Variants in HRG observed in about 807,000 individuals in gnomAD.
HRG encodes histidine rich glycoprotein.
A neutral mutation model predicts 29.5 loss-of-function variants in HRG; 26 were observed. The observed-to-expected ratio is 0.88, with a 90% CI of 0.65 to 1.22. The LOEUF (loss-of-function observed/expected upper bound fraction) is 1.22. HRG is among the 50% of genes most tolerant of loss of function. The pLI is 0.00. For missense variants in HRG, 671 were observed against 654.5 expected (o/e 1.03, Z -0.28); for synonymous variants, 243 against 240.4 (o/e 1.01, Z -0.10).
At chr3:186,669,623 A>G (rs1718722802) in intron 2 of HRG, 1 of 411,046 alleles carries the variant, frequency 2.4e-6, no homozygotes, top group Non-Finnish European at 4.6e-6. Flanking sequence ...GAGATTCAAG[A>G]TTTCATTTCC....
Position 186,675,077 on chromosome 3 carries a change from A to T in HRG, c.640-12A>T. On this transcript the variant is annotated splice_polypyrimidine_tract_variant and intron_variant, in intron 5 of 6. Transcript: ENST00000232003. ...TGGACACACACACTAACAGCTCCTC[A>T]TTCCTTTGTAGGTCTTTGGATTCTG... is the stretch of plus-strand genomic sequence containing the variant. The T allele has an allele frequency of 1.9e-6, 3 of 1,588,902 alleles. No individual in the cohort carries two copies. Among genetic ancestry groups the T allele is most frequent in the Non-Finnish European group, 2.6e-6 (3 of 1,157,180 alleles).
In HRG at chr3:186,678,140, A is replaced by G; in HGVS notation, c.*257A>G. The G allele has an allele frequency of 4.3e-6, 2 of 460,128 alleles. No individual in the cohort carries two copies. Among genetic ancestry groups the G allele is most frequent in the Non-Finnish European group, 7.9e-6 (2 of 253,372 alleles). The allele number at this position is 460,128 out of a possible 1,614,324, so 28.5% of individuals were successfully genotyped here. ...TTGAGACAAATCTATGCCACTCAGA[A>G]TCTCCTTCTTTCCTGGACTTAACTC... On this transcript the variant is annotated 3_prime_UTR_variant, in exon 7 of 7. Coordinates refer to ENST00000232003, the MANE Select transcript of HRG (RefSeq NM_000412.5).
intron 4 of HRG, among the ~76,000 whole-genome samples, chr3:186,672,394 T>TTA (rs1718830424): frequency 6.6e-6 from 1 of 152,190 alleles, no homozygotes; most frequent in South Asian, 2.1e-4. Context: ...AAAATGCAGG[T>TTA]TATAGAACAG....
intron 5 of HRG, 97 bp from the exon 6 acceptor site, chr3:186,674,992 G>A: frequency 1.2e-6 from 1 of 815,938 alleles, no homozygotes; most frequent in South Asian, 1.3e-5. Flanking sequence ...TTTTTCTAAA[G>A]CACTTCTTCC....
In HRG at chr3:186,675,118, C is replaced by G. The variant is rs746388274; in HGVS notation, c.669C>G (p.Phe223Leu). 13 of 1,613,502 alleles carry G rather than the reference C, an allele frequency of 8.1e-6. No individual in the cohort carries two copies. The highest frequency in any genetic ancestry group is 1.1e-5 in the Non-Finnish European group (13 of 1,179,574). Reference sequence around the variant, plus strand: ...TTGGATTCTGCAGAGCAGATTTGTTCTATGATGTAGAAGCCTTGGACTTGG... The same window carrying G: ...TTGGATTCTGCAGAGCAGATTTGTTGTATGATGTAGAAGCCTTGGACTTGG... ...NVFGFCRADL[F>L]YDVEALDLES... The change falls in exon 6 of 7, where the codon TTC (phenylalanine) becomes TTG (leucine). Residue 223 changes from phenylalanine to leucine, a missense_variant. Physicochemically the swap from Phe to Leu is conservative, Grantham distance 22. Coordinates refer to ENST00000232003, the MANE Select transcript of HRG (RefSeq NM_000412.5).
chr3:186,669,045 T>A lies in HRG; in HGVS notation c.294T>A (p.Ser98=), dbSNP rs755507439. ...DCEPPDSRRP[S]EIVIGQCKVI... is the part of the protein sequence containing the mutation. Reference sequence around the variant, plus strand: ...AGCCACCTGATTCCAGACGTCCATCTGAAATAGTAAGTAAAGAGGGCACCT... The same window carrying A: ...AGCCACCTGATTCCAGACGTCCATCAGAAATAGTAAGTAAAGAGGGCACCT... The change falls in exon 2 of 7, where the codon TCT becomes TCA. Residue 98 remains serine (S), a synonymous_variant. Coordinates refer to ENST00000232003, the MANE Select transcript of HRG (RefSeq NM_000412.5). 1 of 1,562,362 alleles carries A rather than the reference T, an allele frequency of 6.4e-7. No individual in the cohort carries two copies. The highest frequency in any genetic ancestry group is 1.1e-5 in the South Asian group (1 of 90,078).
intron 5 of HRG, 32 bp from the exon 6 acceptor site, chr3:186,675,057 A>C: frequency 7.0e-7 from 1 of 1,425,124 alleles, no homozygotes; most frequent in Non-Finnish European, 9.9e-7. Flanking sequence ...CCACCTGGAC[A>C]CACACACTAA....
intron 4 of HRG, among the ~76,000 whole-genome samples, chr3:186,672,084 T>G (rs903164533): frequency 6.6e-6 from 1 of 152,062 alleles, no homozygotes; most frequent in Non-Finnish European, 1.5e-5. Flanking sequence ...GTTGTGTCAT[T>G]GCAAATCATC....
chr3:186,670,447 A>G (rs1718751496), intron 3 of HRG, among the ~76,000 whole-genome samples: 1 of 152,256 alleles, frequency 6.6e-6, no homozygotes, highest in Non-Finnish European at 1.5e-5. Context: ...ATTGATGCTC[A>G]AAGAAGTTAA....
At chr3:186,676,745 G>C (rs1157358628) in intron 6 of HRG, among the ~76,000 whole-genome samples, 1 of 152,036 alleles carries the variant, frequency 6.6e-6, no homozygotes, top group Non-Finnish European at 1.5e-5. Flanking sequence ...CCTGAGAGGT[G>C]GATGTTGCAA....
rs1455246341 is a variant in HRG at position 186,668,978 on chromosome 3, C to T, written c.227C>T (p.Ser76Leu). The T allele has an allele frequency of 1.4e-5, 22 of 1,611,978 alleles. 2 individuals carry two copies. Among genetic ancestry groups the T allele is most frequent in the Middle Eastern group, 3.3e-4 (2 of 6,076 alleles). Residue 76 changes from serine (S) to leucine (L), a missense_variant, in exon 2 of 7, where the codon TCG becomes TTG. Ser to Leu is a moderately radical substitution (Grantham distance 145). Transcript: ENST00000232003. ...TACTTAGTCTTAGATGTGCAAGAATCGGACTGTTCGGTCCTATCCAGGAAA... is the reference window on the plus strand; with the variant it reads ...TACTTAGTCTTAGATGTGCAAGAATTGGACTGTTCGGTCCTATCCAGGAAA... ...VYYLVLDVQE[S>L]DCSVLSRKYW...
chr3:186,674,940 T>C lies in HRG; in HGVS notation c.640-149T>C, dbSNP rs1718919474. 2.2e-5 allele frequency: 16 copies of C among 724,032 alleles called. No homozygotes were observed. In the South Asian group the frequency reaches 2.2e-4, roughly 10 times the overall value. 44.9% of individuals were successfully genotyped at this position (724,032 alleles called of 1,614,324 possible). ...TCCCCAAAGTGTTAACAAGGAAAGA[T>C]TGCTGAACGACTGGTGGGAATATCT... On this transcript the variant is annotated intron_variant, in intron 5 of 6. Transcript: ENST00000232003.
At chr3:186,672,643 C>T in intron 4 of HRG, 144 bp from the exon 5 acceptor site, 1 of 696,690 alleles carries the variant, frequency 1.4e-6, no homozygotes, top group South Asian at 1.6e-5. Flanking sequence ...TTTTAAAAGG[C>T]AGAAACCATT....
chr3:186,666,918 A>C (rs1307949771), intron 1 of HRG: 1 of 152,120 alleles, frequency 6.6e-6, no homozygotes, highest in Non-Finnish European at 1.5e-5. Context: ...ATCTCAAAAA[A>C]AAAAAAGAAG....
chr3:186,668,059 G>A (rs1718667815), intron 1 of HRG, among the ~76,000 whole-genome samples: 1 of 152,180 alleles, frequency 6.6e-6, no homozygotes, highest in Non-Finnish European at 1.5e-5. Flanking sequence ...GAGAACAGGT[G>A]TGCAGGAGTT....
chr3:186,676,954 T>G, intron 6 of HRG, 93 bp from the exon 7 acceptor site: 5 of 1,392,672 alleles, frequency 3.6e-6, no homozygotes, highest in Non-Finnish European at 5.1e-6. Flanking sequence ...GTGGAATCTA[T>G]GATCTGGGAG....
In HRG at chr3:186,677,579, G is replaced by T. The variant is rs770655221; in HGVS notation, c.1274G>T (p.Gly425Val). 1 of 1,614,044 alleles carries T rather than the reference G, an allele frequency of 6.2e-7. No individual in the cohort carries two copies. Among genetic ancestry groups the T allele is most frequent in the South Asian group, 1.1e-5 (1 of 91,074 alleles). ...TGTGACCCACCACCCCATAACCAAG[G>T]TCACTGTTGCCATGGCCACGGCCCA... ...GPCDPPPHNQ[G>V]HCCHGHGPPP... Residue 425 changes from glycine (G) to valine (V), a missense_variant, in exon 7 of 7, where the codon GGT becomes GTT. By Grantham distance (109) the Gly-to-Val change is moderately radical (BLOSUM62 -3). Coordinates refer to ENST00000232003, the MANE Select transcript of HRG (RefSeq NM_000412.5).
At chr3:186,673,415 G>A in intron 5 of HRG, 1 of 193,312 alleles carries the variant, frequency 5.2e-6, no homozygotes, top group South Asian at 1.1e-4. Context: ...CCCAGCCTAT[G>A]ATAACTTATT....
chr3:186,676,139 G>A (rs1006965221), intron 6 of HRG, among the ~76,000 whole-genome samples: 2 of 151,940 alleles, frequency 1.3e-5, no homozygotes, highest in East Asian at 3.9e-4. Context: ...AAAGTTCTGG[G>A]ATTACAGACA....
Sources: gnomAD v4.1 joint callset for allele counts (sites outside exome capture counted in the v4.1 genomes callset) on GRCh38, gnomAD v4.1.1 for gene constraint, MANE v1.5 for transcripts, NCBI Gene and HGNC (gene_info 2026-07-23, HGNC 2026-07-21) for gene names.